USP40: variants seen among roughly 807,000 people sequenced by gnomAD.
The protein encoded by USP40 is ubiquitin specific peptidase 40, also known as ubiquitin carboxyl-terminal hydrolase 40.
USP40 carries 143 observed loss-of-function variants against 166.2 expected under a neutral mutation model. The ratio of observed to expected loss-of-function variants is 0.86; its 90% confidence interval spans 0.75 to 0.99. The LOEUF (loss-of-function observed/expected upper bound fraction) is 0.99, where lower values mean the gene tolerates loss of function less well. USP40 is among the 50% of genes least tolerant of loss of function. The probability of loss-of-function intolerance (pLI) is 0.00; values close to 1 mark genes in which losing one functional copy is unlikely to be tolerated. For missense variants in USP40, 1,444 were observed against 1,479.7 expected (o/e 0.98, Z 0.40); for synonymous variants, 498 against 524.0 (o/e 0.95, Z 0.68).
Position 233,554,367 on chromosome 2 carries a change from T to TC in USP40, c.693+12_693+13insG. ...AGTGGGGACCCTGGGAAAAAGCAGT[T>TC]ATCTGTCTTTACCTTTGCTGCTTTA... On this transcript the variant is annotated intron_variant, in intron 6 of 31. Coordinates refer to ENST00000678225, the MANE Select transcript of USP40 (RefSeq NM_001365479.2). The TC allele has an allele frequency of 6.3e-7, 1 of 1,591,210 alleles. No individual in the cohort carries two copies. Among genetic ancestry groups the TC allele is most frequent in the African/African-American group, 1.4e-5 (1 of 73,612 alleles).
intron 30 of USP40, 72 bp from the exon 31 acceptor site, chr2:233,481,369 T>TA (rs1172015899): frequency 7.8e-7 from 1 of 1,290,198 alleles, no homozygotes; most frequent in Non-Finnish European, 1.1e-6. Context: ...GAGGCATGTC[T>TA]AAAAAACTAC....
intron 14 of USP40, 60 bp from the exon 15 acceptor site, chr2:233,524,622 G>T (rs1214006069): frequency 3.1e-6 from 4 of 1,310,648 alleles, no homozygotes; most frequent in Non-Finnish European, 4.1e-6. Flanking sequence ...CTGAGCTAAA[G>T]AAAGAGCTGA....
rs746629187 is a variant in USP40, at chr2:233,509,838, TAA to T, written c.2613+209_2613+210del. 1.9e-3 allele frequency among the ~76,000 whole-genome samples: 157 copies of T among 80,778 alleles called. 1 individual carries two copies. Among genetic ancestry groups the T allele is most frequent in the African/African-American group, 5.2e-3 (118 of 22,858 alleles). 53.0% of individuals were successfully genotyped at this position (80,778 alleles called of 152,430 possible). A position where few individuals can be genotyped will look rare whatever the true frequency, so the allele number is the denominator to read the frequency against. On this transcript the variant is annotated intron_variant, in intron 21 of 31. Coordinates refer to ENST00000678225, the MANE Select transcript of USP40 (RefSeq NM_001365479.2). ...CCTGGGTGACAGAGTTGAGACTCTC[TAA>T]AAAAAAAAAAAAAAAAAAAAAAATC...
At chr2:233,541,091 C>T (rs2069364782) in intron 9 of USP40, among the ~76,000 whole-genome samples, 2 of 152,034 alleles carry the variant, frequency 1.3e-5, no homozygotes, top group African/African-American at 4.8e-5. Flanking sequence ...TGATATTAAA[C>T]AAGAATTTTG....
At chr2:233,560,696 T>A (rs1015362884) in intron 3 of USP40, 2 of 260,416 alleles carry the variant, frequency 7.7e-6, no homozygotes, top group Admixed American at 4.8e-5. Context: ...GGGAGGAACA[T>A]GATTAGATAT....
At chr2:233,565,098 A>C (rs2072018022) in intron 2 of USP40, among the ~76,000 whole-genome samples, 1 of 152,252 alleles carries the variant, frequency 6.6e-6, no homozygotes, top group Non-Finnish European at 1.5e-5. Context: ...TTGTACTTTA[A>C]ATTACAGGAA....
chr2:233,499,646 T>C (rs1045516421), intron 22 of USP40, among the ~76,000 whole-genome samples: 72 of 152,322 alleles, frequency 4.7e-4, no homozygotes, highest in African/African-American at 1.6e-3. Context: ...CATTCCTACT[T>C]TGTACCTTTG....
At chr2:233,545,307 C>G (rs1419900971) in intron 8 of USP40, among the ~76,000 whole-genome samples, 2 of 152,148 alleles carry the variant, frequency 1.3e-5, no homozygotes, top group African/African-American at 4.8e-5. Flanking sequence ...ATGCTTGAGC[C>G]TATGAGCCCA....
chr2:233,562,937 C>T (rs1438051507), intron 2 of USP40, 134 bp from the exon 3 acceptor site: 13 of 518,194 alleles, frequency 2.5e-5, no homozygotes, highest in Non-Finnish European at 3.9e-5. Context: ...TTATACCTTA[C>T]TCTATACACT....
At position 233,540,769 on chromosome 2, in the gene USP40, C is replaced by T. The variant is rs959259157; in HGVS notation, c.1063G>A (p.Glu355Lys). ...LMILKAILLE[E>K]ENNLIPVDQL... ...TCAACAGGAATTAGATTATTCTCCT[C>T]CTTATGAGAGAAACACAGTCACTCA... Residue 355 changes from glutamate to lysine, a missense_variant and splice_region_variant, in exon 10 of 32, where the codon GAG becomes AAG. Coordinates refer to ENST00000678225, the MANE Select transcript of USP40 (RefSeq NM_001365479.2). 1 of 1,608,608 alleles carries T rather than the reference C, an allele frequency of 6.2e-7. No individual in the cohort carries two copies. The highest frequency in any genetic ancestry group is 8.5e-7 in the Non-Finnish European group (1 of 1,175,928).
intron 3 of USP40, chr2:233,560,855 T>C (rs1340573290): frequency 3.6e-6 from 2 of 558,866 alleles, no homozygotes; most frequent in Non-Finnish European, 6.5e-6. Context: ...GTGCTTTAAA[T>C]AGACTTCTGG....
chr2:233,522,272 G>A (rs6738048), intron 16 of USP40, among the ~76,000 whole-genome samples: 2,000 of 152,196 alleles, frequency 0.013, 36 homozygotes, highest in African/African-American at 0.046. Flanking sequence ...CTGAGAAGAC[G>A]GATACTGTTT....
At chr2:233,554,724 T>C (rs2125370872) in intron 5 of USP40, among the ~76,000 whole-genome samples, 198 bp from the exon 6 acceptor site, 1 of 152,312 alleles carries the variant, frequency 6.6e-6, no homozygotes, top group African/African-American at 2.4e-5. Context: ...ATAATTTAGC[T>C]TAAAATCTAT....
chr2:233,512,562 G>T lies in USP40; in HGVS notation c.2437+7C>A. ...GCCACCTTTTGAAAGTTATCAAAAA[G>T]ATTTACCTGGACAAAGAAGCTTCCC... On this transcript the variant is annotated splice_region_variant and intron_variant, in intron 19 of 31. Transcript: ENST00000678225. 1.3e-6 allele frequency: 2 copies of T among 1,576,502 alleles called. No individual in the cohort carries two copies. The highest frequency in any genetic ancestry group is 1.7e-6 in the Non-Finnish European group (2 of 1,162,356).
At chr2:233,538,607 T>G (rs557161951) in intron 10 of USP40, among the ~76,000 whole-genome samples, 2 of 152,292 alleles carry the variant, frequency 1.3e-5, no homozygotes, top group African/African-American at 4.8e-5. Flanking sequence ...AAAACCATAA[T>G]TTTCCAAAAT....
intron 4 of USP40, 30 bp downstream of exon 4, chr2:233,559,781 A>C: frequency 6.7e-7 from 1 of 1,495,484 alleles, no homozygotes; most frequent in South Asian, 1.2e-5. Flanking sequence ...TATTGCTGGT[A>C]ACTCTTCCTT....
chr2:233,491,632 GTGTC>G (rs937006529), intron 25 of USP40, among the ~76,000 whole-genome samples: 7 of 114,496 alleles, frequency 6.1e-5, no homozygotes, highest in African/African-American at 1.6e-4. Flanking sequence ...GTGTGTGTGT[GTGTC>G]TGTCTGTCTG....
chr2:233,510,128 AG>A lies in USP40; in HGVS notation c.2533del (p.Leu845CysfsTer18). ...AACGTCACTCCCCATTGCAAAAAAC[AG>A]GAACAACTAATAACAAGACAGATGT... ...GKAPSSSQLF[L>X]FFAMGSDVQP... is the part of the protein sequence containing the mutation. On this transcript the variant is annotated frameshift_variant, in exon 21 of 32. Coordinates refer to ENST00000678225, the MANE Select transcript of USP40 (RefSeq NM_001365479.2). LOFTEE classifies it high-confidence loss of function. 2 of 1,599,856 alleles carry A rather than the reference AG, an allele frequency of 1.3e-6. No homozygotes were observed. The highest frequency in any genetic ancestry group is 2.2e-5 in the East Asian group (1 of 44,620).
chr2:233,512,572 G>T lies in USP40; in HGVS notation c.2434C>A (p.Pro812Thr). 6.3e-7 allele frequency: 1 copy of T among 1,581,784 alleles called. No individual in the cohort carries two copies. Among genetic ancestry groups the T allele is most frequent in the South Asian group, 1.2e-5 (1 of 84,738 alleles). ...GAAAGTTATCAAAAAGATTTACCTG[G>T]ACAAAGAAGCTTCCCATTTCTATCA... ...PIDRNGKLLC[P>T]VPDSYTLKEA... The change falls in exon 19 of 32, where the codon CCA becomes ACA. Residue 812 changes from proline to threonine, a missense_variant. Coordinates refer to ENST00000678225, the MANE Select transcript of USP40 (RefSeq NM_001365479.2).
Sources: gnomAD v4.1 joint callset for allele counts (sites outside exome capture counted in the v4.1 genomes callset) on GRCh38, gnomAD v4.1.1 for gene constraint, MANE v1.5 for transcripts, NCBI Gene and HGNC (gene_info 2026-07-23, HGNC 2026-07-21) for gene names.